The following SLX4IP variants were observed in gnomAD, a reference collection of about 807,000 sequenced individuals.
SLX4IP encodes the protein protein SLX4IP.
In SLX4IP, 34 loss-of-function variants were observed where a neutral mutation model predicts 32.9. That is an observed-to-expected ratio of 1.03 (90% CI 0.79 to 1.38). SLX4IP has a LOEUF of 1.38. Among genes scored for constraint, SLX4IP ranks in the 40% most tolerant of loss-of-function variants. The pLI is 0.00. For synonymous variants in SLX4IP, 172 were observed against 171.7 expected (o/e 1.00, Z -0.01); for missense variants, 444 against 479.0 (o/e 0.93, Z 0.68).
chr20:10,533,152 G>A (rs1224737798), intron 2 of SLX4IP, among the ~76,000 whole-genome samples: 1 of 152,066 alleles, frequency 6.6e-6, no homozygotes, highest in East Asian at 1.9e-4. Context: ...ATATGAATGA[G>A]CCTTGTATTT....
intron 3 of SLX4IP, among the ~76,000 whole-genome samples, chr20:10,558,714 C>T (rs895425036): frequency 5.9e-5 from 9 of 152,324 alleles, no homozygotes; most frequent in Admixed American, 2.6e-4. Flanking sequence ...GAGCACAGCC[C>T]GTTAGCCTAG....
chr20:10,553,625 G>C (rs1365957312), intron 2 of SLX4IP, among the ~76,000 whole-genome samples: 4 of 152,136 alleles, frequency 2.6e-5, no homozygotes, highest in African/African-American at 9.7e-5. Context: ...ATACTTGAGT[G>C]GTTTTCAAAC....
At chr20:10,464,341 G>A (rs966215949) in intron 2 of SLX4IP, among the ~76,000 whole-genome samples, 1 of 152,022 alleles carries the variant, frequency 6.6e-6, no homozygotes, top group Non-Finnish European at 1.5e-5. Flanking sequence ...ACTTTGATAT[G>A]TCGTTTTAAT....
intron 4 of SLX4IP, among the ~76,000 whole-genome samples, chr20:10,584,156 G>A (rs921129381): frequency 6.6e-6 from 1 of 152,046 alleles, no homozygotes; most frequent in East Asian, 1.9e-4. Flanking sequence ...ACGCAAATCA[G>A]CAGGTAGTTA....
intron 4 of SLX4IP, among the ~76,000 whole-genome samples, chr20:10,563,255 G>A (rs904638347): frequency 1.3e-5 from 2 of 152,026 alleles, no homozygotes; most frequent in Non-Finnish European, 1.5e-5. Flanking sequence ...AATCAGATTC[G>A]CTTATTTGCT....
At chr20:10,463,640 C>T (rs2065356559) in intron 2 of SLX4IP, among the ~76,000 whole-genome samples, 1 of 151,932 alleles carries the variant, frequency 6.6e-6, no homozygotes, top group Non-Finnish European at 1.5e-5. Context: ...TTTTTTTAGG[C>T]CTGTCAGGTA....
intron 2 of SLX4IP, among the ~76,000 whole-genome samples, chr20:10,536,068 G>A (rs2066040610): frequency 6.6e-6 from 1 of 152,234 alleles, no homozygotes; most frequent in Non-Finnish European, 1.5e-5. Context: ...GGGTGAACTT[G>A]AACCTGAATG....
In SLX4IP at chr20:10,560,687, T is replaced by G; in HGVS notation, c.118-13T>G. On this transcript the variant is annotated splice_polypyrimidine_tract_variant and intron_variant, in intron 3 of 7. Coordinates refer to ENST00000334534, the MANE Select transcript of SLX4IP (RefSeq NM_001009608.3). ...AAATTTGAAGGTTATATCTAATTTT[T>G]TATTTGCTTTAGGAAGTCTGTTTAC... 1 of 1,539,694 alleles carries G rather than the reference T, an allele frequency of 6.5e-7. No homozygotes were observed. The highest frequency in any genetic ancestry group is 8.7e-7 in the Non-Finnish European group (1 of 1,143,896).
intron 4 of SLX4IP, among the ~76,000 whole-genome samples, chr20:10,569,649 C>T (rs909934773): frequency 6.6e-6 from 1 of 151,980 alleles, no homozygotes; most frequent in African/African-American, 2.4e-5. Flanking sequence ...ATGGCTGTCT[C>T]CTCCCTCGTC....
intron 4 of SLX4IP, among the ~76,000 whole-genome samples, chr20:10,588,289 C>G (rs372669239): frequency 6.6e-6 from 1 of 152,090 alleles, no homozygotes; most frequent in Non-Finnish European, 1.5e-5. Flanking sequence ...AGGAAATGCA[C>G]GTTATGACCA....
chr20:10,473,979 T>C (rs543497661), intron 2 of SLX4IP, among the ~76,000 whole-genome samples: 4 of 152,166 alleles, frequency 2.6e-5, no homozygotes, highest in Admixed American at 6.5e-5. Flanking sequence ...CACGCCACCA[T>C]GCCTGGCTAA....
intron 4 of SLX4IP, among the ~76,000 whole-genome samples, chr20:10,568,195 G>T (rs779643539): frequency 2.0e-5 from 3 of 152,166 alleles, no homozygotes; most frequent in Non-Finnish European, 4.4e-5. Flanking sequence ...TAGAATACAC[G>T]CCACCTTGTG....
chr20:10,452,680 A>AAATATAT (rs1326662021), intron 1 of SLX4IP, among the ~76,000 whole-genome samples: 21 of 109,502 alleles, frequency 1.9e-4, no homozygotes, highest in African/African-American at 3.5e-4. Flanking sequence ...AAAAAAAAAA[A>AAATATAT]ATATATATAT....
At position 10,598,563 on chromosome 20, in the gene SLX4IP, T is replaced by C. The variant is rs2066800884; in HGVS notation, c.239-112T>C. 15 of 1,011,216 alleles carry C rather than the reference T, an allele frequency of 1.5e-5. No homozygotes were observed. The Admixed American group carries it at 2.9e-4, about 19-fold the overall frequency. The allele number at this position is 1,011,216 out of a possible 1,614,324, so 62.6% of individuals were successfully genotyped here. A position where few individuals can be genotyped will look rare whatever the true frequency, so the allele number is the denominator to read the frequency against. On this transcript the variant is annotated intron_variant, in intron 4 of 7. Coordinates refer to ENST00000334534, the MANE Select transcript of SLX4IP (RefSeq NM_001009608.3). ...ACAGGCGTGAGTCATCACACTCAGC[T>C]TCATTTGCTAAATAACTATTGAATG...
chr20:10,476,845 A>G (rs2065478582), intron 2 of SLX4IP, among the ~76,000 whole-genome samples: 1 of 152,214 alleles, frequency 6.6e-6, no homozygotes, highest in South Asian at 2.1e-4. Context: ...TGTTTTACCC[A>G]TCACTATCTT....
chr20:10,595,612 T>G (rs2066760937), intron 4 of SLX4IP, among the ~76,000 whole-genome samples: 1 of 152,230 alleles, frequency 6.6e-6, no homozygotes, highest in Non-Finnish European at 1.5e-5. Context: ...GTGAAGTTGA[T>G]TTCATTAAAA....
intron 1 of SLX4IP, among the ~76,000 whole-genome samples, chr20:10,451,569 C>T (rs1416634066): frequency 6.6e-6 from 1 of 152,138 alleles, no homozygotes; most frequent in Non-Finnish European, 1.5e-5. Context: ...TTGAGATGTC[C>T]TAGAAATATA....
In SLX4IP at chr20:10,625,303, C is replaced by T. The variant is rs1665142099; in HGVS notation, c.*1924C>T. The T allele has an allele frequency of 6.6e-6, 1 of 152,108 alleles. No homozygotes were observed. Among genetic ancestry groups the T allele is most frequent in the Admixed American group, 6.6e-5 (1 of 15,264 alleles). The allele number at this position is 152,108 out of a possible 1,614,324, so 9.4% of individuals were successfully genotyped here. A position where few individuals can be genotyped will look rare whatever the true frequency, so the allele number is the denominator to read the frequency against. On this transcript the variant is annotated 3_prime_UTR_variant, in exon 8 of 8. Coordinates refer to ENST00000334534, the MANE Select transcript of SLX4IP (RefSeq NM_001009608.3). ...GAACGATTTAGATATAGGGAGGGCA[C>T]AAGTAATAAGTAACCCAGGGGATAG...
intron 4 of SLX4IP, among the ~76,000 whole-genome samples, chr20:10,561,513 T>G (rs2066332004): frequency 6.6e-6 from 1 of 151,862 alleles, no homozygotes; most frequent in African/African-American, 2.4e-5. Context: ...TCATCAAATT[T>G]TAATATGTCT....
Sources: allele counts gnomAD v4.1 joint callset (sites outside exome capture counted in the v4.1 genomes callset), GRCh38; gene constraint gnomAD v4.1.1; transcripts MANE v1.5; gene names NCBI Gene and HGNC (gene_info 2026-07-23, HGNC 2026-07-21).